The following CSTF3 variants were observed in gnomAD, a reference collection of about 807,000 sequenced individuals.
The protein encoded by CSTF3 is cleavage stimulation factor subunit 3, also known as CF-1 77 kDa subunit.
A neutral mutation model predicts 105.8 loss-of-function variants in CSTF3; 29 were observed. That is an observed-to-expected ratio of 0.27 (90% CI 0.20 to 0.37). The LOEUF is 0.37. Among genes scored for constraint, CSTF3 ranks in the 10% least tolerant of loss-of-function variants. CSTF3 has a pLI of 1.00. For missense variants in CSTF3, 357 were observed against 879.3 expected (o/e 0.41, Z 7.51); for synonymous variants, 252 against 281.9 (o/e 0.89, Z 1.06).
At chr11:33,132,226 A>G (rs1169083382) in intron 3 of CSTF3, among the ~76,000 whole-genome samples, 3 of 152,164 alleles carry the variant, frequency 2.0e-5, no homozygotes, top group African/African-American at 7.2e-5. Context: ...TAAATAAATG[A>G]AGACATTTTT....
chr11:33,157,228 G>C (rs950464164), intron 1 of CSTF3, among the ~76,000 whole-genome samples: 1 of 152,058 alleles, frequency 6.6e-6, no homozygotes, highest in African/African-American at 2.4e-5. Flanking sequence ...TGTGGCGTGT[G>C]CTTGTAATCC....
At chr11:33,102,092 G>A (rs1487800480) in intron 10 of CSTF3, 85 bp downstream of exon 10, 1 of 1,012,796 alleles carries the variant, frequency 9.9e-7, no homozygotes, top group Non-Finnish European at 1.5e-6. Flanking sequence ...AAAGATTAGG[G>A]GTAAGAAAAT....
At chr11:33,114,791 C>G (rs1855414535) in intron 3 of CSTF3, among the ~76,000 whole-genome samples, 1 of 151,854 alleles carries the variant, frequency 6.6e-6, no homozygotes, top group Admixed American at 6.6e-5. Flanking sequence ...GTGGAGGATG[C>G]AGTGAATCGA....
At chr11:33,096,806 T>C (rs200504390) in intron 14 of CSTF3, 29 bp downstream of exon 14, 28 of 1,578,710 alleles carry the variant, frequency 1.8e-5, no homozygotes, top group Non-Finnish European at 2.4e-5. Flanking sequence ...GAAGTTGTTT[T>C]ATCTTTACAC....
chr11:33,143,184 A>AT, intron 1 of CSTF3, among the ~76,000 whole-genome samples: 1 of 152,240 alleles, frequency 6.6e-6, no homozygotes. Flanking sequence ...AATTAAAGAG[A>AT]TTTTTAAAAT....
At chr11:33,144,896 A>G in intron 1 of CSTF3, 2 of 247,438 alleles carry the variant, frequency 8.1e-6, no homozygotes, top group South Asian at 3.8e-5. Flanking sequence ...GGATCGCTTG[A>G]GCCCGGGAGG....
At chr11:33,143,460 T>G (rs1167130413) in intron 1 of CSTF3, among the ~76,000 whole-genome samples, 1 of 152,172 alleles carries the variant, frequency 6.6e-6, no homozygotes, top group African/African-American at 2.4e-5. Flanking sequence ...TAAATGTTAA[T>G]TTATACAGGC....
chr11:33,152,213 T>C (rs1046585697), intron 1 of CSTF3, among the ~76,000 whole-genome samples: 5 of 152,178 alleles, frequency 3.3e-5, no homozygotes, highest in Non-Finnish European at 5.9e-5. Flanking sequence ...TGAGCCAAGA[T>C]TGTGCCGCTG....
chr11:33,159,525 G>A (rs1849909473), intron 1 of CSTF3, among the ~76,000 whole-genome samples: 1 of 149,162 alleles, frequency 6.7e-6, no homozygotes, highest in Admixed American at 6.7e-5. Context: ...TGAACCGGGA[G>A]GCGGAGGCTG....
At chr11:33,134,848 G>T (rs1371135561) in intron 3 of CSTF3, among the ~76,000 whole-genome samples, 2 of 152,188 alleles carry the variant, frequency 1.3e-5, no homozygotes, top group African/African-American at 4.8e-5. Flanking sequence ...AGAAATAACT[G>T]GTTATTTGTG....
At chr11:33,115,038 T>C (rs1855417250) in intron 3 of CSTF3, among the ~76,000 whole-genome samples, 1 of 152,122 alleles carries the variant, frequency 6.6e-6, no homozygotes, top group South Asian at 2.1e-4. Flanking sequence ...AGGGCTAGGA[T>C]CCATCTAAAG....
At chr11:33,138,829 A>G (rs957219223) in intron 3 of CSTF3, among the ~76,000 whole-genome samples, 9 of 151,876 alleles carry the variant, frequency 5.9e-5, no homozygotes, top group African/African-American at 2.2e-4. Flanking sequence ...TGTATTATAT[A>G]TAACACCAAA....
rs535016352 is a variant in CSTF3, at chr11:33,096,292, T to C, written c.1375+14A>G. ...AATATTAAGTAATCATTATAGATTC[T>C]AGAATCAACCTACCATTGAGGTGAG... On this transcript the variant is annotated intron_variant, in intron 15 of 20. Transcript: ENST00000323959. The C allele has an allele frequency of 2.8e-6, 4 of 1,448,372 alleles. No homozygotes were observed. Among genetic ancestry groups the C allele is most frequent in the Non-Finnish European group, 3.8e-6 (4 of 1,066,212 alleles). The allele number at this position is 1,448,372 out of a possible 1,614,324, so 89.7% of individuals were successfully genotyped here. A position where few individuals can be genotyped will look rare whatever the true frequency, so the allele number is the denominator to read the frequency against.
chr11:33,150,221 A>AG (rs1855841955), intron 1 of CSTF3, among the ~76,000 whole-genome samples: 1 of 37,592 alleles, frequency 2.7e-5, no homozygotes, highest in African/African-American at 4.4e-5. Flanking sequence ...TCTCAAACTA[A>AG]AAAAAAAAAA....
At chr11:33,151,224 T>C (rs1855855372) in intron 1 of CSTF3, among the ~76,000 whole-genome samples, 5 of 150,696 alleles carry the variant, frequency 3.3e-5, no homozygotes. Context: ...AGGATCTCAC[T>C]CTGTCACCCA....
At chr11:33,156,905 A>G in intron 1 of CSTF3, 1 of 289,506 alleles carries the variant, frequency 3.5e-6, no homozygotes, top group Non-Finnish European at 6.9e-6. Flanking sequence ...GGTCTTTAAG[A>G]CATAAAGATG....
chr11:33,098,609 A>C (rs1855248393), intron 13 of CSTF3, 81 bp downstream of exon 13: 1 of 841,542 alleles, frequency 1.2e-6, no homozygotes, highest in Non-Finnish European at 1.9e-6. Context: ...AAAACAGTGA[A>C]TTTTATTGTA....
intron 1 of CSTF3, among the ~76,000 whole-genome samples, chr11:33,160,310 T>C (rs887935264): frequency 1.3e-4 from 20 of 152,172 alleles, no homozygotes; most frequent in Non-Finnish European, 2.1e-4. Flanking sequence ...CGCTCCTATT[T>C]TGCCTCATCT....
intron 3 of CSTF3, among the ~76,000 whole-genome samples, chr11:33,118,936 A>G (rs892394928): frequency 6.6e-6 from 1 of 151,904 alleles, no homozygotes; most frequent in Admixed American, 6.6e-5. Context: ...AGGCAAACTT[A>G]AAATATTAAA....
Sources: allele counts gnomAD v4.1 joint callset (sites outside exome capture counted in the v4.1 genomes callset), GRCh38; gene constraint gnomAD v4.1.1; transcripts MANE v1.5; gene names NCBI Gene and HGNC (gene_info 2026-07-23, HGNC 2026-07-21).